The following TTC38 variants were observed in gnomAD, a reference collection of about 807,000 sequenced individuals.
The protein encoded by TTC38 is tetratricopeptide repeat protein 38.
In TTC38, 64 loss-of-function variants were observed where a neutral mutation model predicts 64.2. The observed-to-expected ratio is 1.00, with a 90% CI of 0.81 to 1.23. TTC38 has a LOEUF of 1.23. TTC38 is among the 50% of genes most tolerant of loss of function. The pLI is 0.00. For synonymous variants in TTC38, 254 were observed against 249.3 expected, an observed-to-expected ratio of 1.02 and a Z score of -0.18; for missense variants, 573 against 615.5, an observed-to-expected ratio of 0.93 and a Z score of 0.73.
Position 46,287,133 on chromosome 22 carries a change from C to T in TTC38, c.895C>T (p.Leu299Phe). ...MLDVVDSCSM[L>F]YRLQMEGVSV... ...GGACGTGGTGGACAGCTGCTCCATG[C>T]TCTACCGCCTGCAGATGGAAGGTAG... is the stretch of plus-strand genomic sequence containing the variant. The change falls in exon 10 of 14, where the codon CTC (leucine) becomes TTC (phenylalanine). Residue 299 changes from leucine (L) to phenylalanine (F), a missense_variant. Leu to Phe is a conservative substitution (Grantham distance 22). This residue lies in a region of TTC38 where 371 missense variants were observed against 381.8 expected (regional missense o/e 0.97). Coordinates refer to ENST00000381031, the MANE Select transcript of TTC38 (RefSeq NM_017931.4). The T allele has an allele frequency of 6.2e-7, 1 of 1,604,042 alleles. No individual in the cohort carries two copies. The highest frequency in any genetic ancestry group is 8.5e-7 in the Non-Finnish European group (1 of 1,175,050).
In TTC38 at chr22:46,274,404, T is replaced by G. The variant is rs1029558243; in HGVS notation, c.365+335T>G. On this transcript the variant is annotated intron_variant, in intron 4 of 13. Transcript: ENST00000381031. This position sits in a 1 kb window ranked among gnomAD's most constrained non-coding sequence, Gnocchi z 4.8. The stretch of plus-strand genomic sequence containing the variant: ...TAGGGAAGAGAGAAGAAAACATGCT[T>G]CTTCTAGTGAGAAATAAACAATCAA... Among the ~76,000 whole-genome samples the G allele has an allele frequency of 2.6e-5, 4 of 152,244 alleles. No homozygotes were observed. Among genetic ancestry groups the G allele is most frequent in the Non-Finnish European group, 4.4e-5 (3 of 68,042 alleles).
In TTC38 at chr22:46,270,666, C is replaced by T. The variant is rs530653763; in HGVS notation, c.112-1669C>T. Among the ~76,000 whole-genome samples, 196 of 152,240 alleles carry T rather than the reference C, an allele frequency of 1.3e-3. No homozygotes were observed. The highest frequency in any genetic ancestry group is 0.01 in the Middle Eastern group (3 of 294). ...TGGCCAACATGGTGAAACCCTGTCT[C>T]TACTAAAAATATAAAAAAATTAGCC... On this transcript the variant is annotated intron_variant, in intron 2 of 13. Coordinates refer to ENST00000381031, the MANE Select transcript of TTC38 (RefSeq NM_017931.4). This position sits in a 1 kb window ranked among gnomAD's most constrained non-coding sequence, Gnocchi z 4.7.
rs750681441 is a variant in TTC38, at chr22:46,292,897, G to T, written c.*13G>T. On this transcript the variant is annotated 3_prime_UTR_variant, in exon 14 of 14. Coordinates refer to ENST00000381031, the MANE Select transcript of TTC38 (RefSeq NM_017931.4). This position sits in a 1 kb window ranked among gnomAD's most constrained non-coding sequence, Gnocchi z 6.5. ...CCTCATGCAGTGAGCCAGCCTGGCC[G>T]CCTCCACCCTGCAGAACCTCAGTGG... 1 of 1,605,508 alleles carries T rather than the reference G, an allele frequency of 6.2e-7. No homozygotes were observed. Among genetic ancestry groups the T allele is most frequent in the Non-Finnish European group, 8.5e-7 (1 of 1,172,904 alleles).
chr22:46,287,865 GAA>G (rs1015038124), intron 10 of TTC38, among the ~76,000 whole-genome samples: 7 of 152,250 alleles, frequency 4.6e-5, no homozygotes, highest in African/African-American at 1.7e-4. Context: ...AGAGACAAGG[GAA>G]AGAGTTACTC....
rs1206890874 is a variant in TTC38, at chr22:46,292,648, T to C, written c.1317-143T>C. ...CCTCTCCCCAAACTGAGGCCAGGCC[T>C]CCTGCCCCTGGGCCTTGGCCCTTGC... On this transcript the variant is annotated intron_variant, in intron 13 of 13. Coordinates refer to ENST00000381031, the MANE Select transcript of TTC38 (RefSeq NM_017931.4). This position sits in a 1 kb window ranked among gnomAD's most constrained non-coding sequence, Gnocchi z 6.5. 1.1e-5 allele frequency: 8 copies of C among 723,264 alleles called. No individual in the cohort carries two copies. The East Asian group carries it at 2.0e-4, about 18-fold the overall frequency. The allele number at this position is 723,264 out of a possible 1,614,324, so 44.8% of individuals were successfully genotyped here.
chr22:46,278,776 A>T, intron 6 of TTC38, 115 bp downstream of exon 6: 1 of 857,748 alleles, frequency 1.2e-6, no homozygotes, highest in Non-Finnish European at 2.0e-6. Flanking sequence ...CCCTGGTCTC[A>T]CTTCCTCAGA....
Position 46,271,692 on chromosome 22 carries a change from G to A in TTC38, c.112-643G>A, listed in dbSNP as rs1301908545. 6.6e-6 allele frequency among the ~76,000 whole-genome samples: 1 copy of A among 152,156 alleles called. No homozygotes were observed. The highest frequency in any genetic ancestry group is 1.5e-5 in the Non-Finnish European group (1 of 68,022). On this transcript the variant is annotated intron_variant, in intron 2 of 13. Coordinates refer to ENST00000381031, the MANE Select transcript of TTC38 (RefSeq NM_017931.4). The surrounding 1 kb of genome is among the most constrained non-coding windows in gnomAD (Gnocchi z 5.5). ...CGCCTGACTAATTTTTGTATTATTT[G>A]TAGAGACAGAGTTTTGCCATGTTGG...
chr22:46,284,138 C>T, intron 8 of TTC38, 106 bp downstream of exon 8: 1 of 905,446 alleles, frequency 1.1e-6, no homozygotes, highest in Non-Finnish European at 1.7e-6. Context: ...AGCCCTGATG[C>T]AATGGAGCAT....
rs1227764741 is a variant in TTC38 at position 46,272,140 on chromosome 22, A to G, written c.112-195A>G. ...CAAGTGGCTGGGACTACAGGCATGC[A>G]CCACCACGCCCCACTAATTTTTCTA... On this transcript the variant is annotated intron_variant, in intron 2 of 13. Transcript: ENST00000381031. The surrounding 1 kb of genome is among the most constrained non-coding windows in gnomAD (Gnocchi z 6.4). Among the ~76,000 whole-genome samples the G allele has an allele frequency of 6.6e-6, 1 of 151,864 alleles. No individual in the cohort carries two copies. Among genetic ancestry groups the G allele is most frequent in the South Asian group, 2.1e-4 (1 of 4,804 alleles).
chr22:46,280,777 A>G (rs1160096196), intron 6 of TTC38, among the ~76,000 whole-genome samples: 1 of 152,274 alleles, frequency 6.6e-6, no homozygotes, highest in East Asian at 1.9e-4. Flanking sequence ...CCCCTATGAA[A>G]GGCGTGGGGA....
At chr22:46,288,651 A>G in intron 11 of TTC38, 63 bp downstream of exon 11, 1 of 1,541,370 alleles carries the variant, frequency 6.5e-7, no homozygotes, top group South Asian at 1.2e-5. Context: ...AGGGGGTGCT[A>G]GGGCCATGCT....
chr22:46,277,649 C>CAATTAT (rs2077502921), intron 5 of TTC38, among the ~76,000 whole-genome samples: 2 of 147,348 alleles, frequency 1.4e-5, no homozygotes, highest in African/African-American at 2.5e-5. Context: ...TGGAAGCGTG[C>CAATTAT]AATTATTCAG....
intron 9 of TTC38, among the ~76,000 whole-genome samples, chr22:46,286,113 C>A (rs2077569891): frequency 6.6e-6 from 1 of 151,726 alleles, no homozygotes; most frequent in Admixed American, 6.6e-5. Context: ...TTCATCTACC[C>A]AAACTGAAAC....
At chr22:46,280,230 C>A in intron 6 of TTC38, 1 of 470,248 alleles carries the variant, frequency 2.1e-6, no homozygotes, top group Non-Finnish European at 4.4e-6. Context: ...AGGCGGCAGG[C>A]ACAGGCACAG....
chr22:46,290,801 C>T (rs1223260575), intron 13 of TTC38, among the ~76,000 whole-genome samples: 1 of 152,168 alleles, frequency 6.6e-6, no homozygotes, highest in Non-Finnish European at 1.5e-5. Context: ...CAGCTTGCCT[C>T]CCTCCACTTA....
In TTC38 at chr22:46,285,269, A is replaced by G. The variant is rs751908725; in HGVS notation, c.824A>G (p.Tyr275Cys). Residue 275 changes from tyrosine to cysteine, a missense_variant, in exon 9 of 14, where the codon TAC becomes TGC. Tyr to Cys is a radical substitution (Grantham distance 194, BLOSUM62 -2). This residue lies in a region of TTC38 where 371 missense variants were observed against 381.8 expected (regional missense o/e 0.97). Transcript: ENST00000381031. ...KGEYEAALTI[Y>C]DTHILPSLQA... ...GAATATGAGGCCGCGCTGACCATCT[A>G]CGATACCCACGTAAGTTGCATTCAC... 2.5e-6 allele frequency: 4 copies of G among 1,614,148 alleles called. No homozygotes were observed. The highest frequency in any genetic ancestry group is 2.2e-5 in the East Asian group (1 of 44,882).
chr22:46,290,395 G>T (rs777228145), intron 13 of TTC38, among the ~76,000 whole-genome samples: 1 of 151,464 alleles, frequency 6.6e-6, no homozygotes, highest in East Asian at 1.9e-4. Context: ...ACGTAAACTC[G>T]CACTGAGGGA....
chr22:46,289,442 G>A lies in TTC38; in HGVS notation c.1123G>A (p.Val375Met), dbSNP rs778021461. 26 of 1,609,358 alleles carry A rather than the reference G, an allele frequency of 1.6e-5. No homozygotes were observed. The highest frequency in any genetic ancestry group is 4.4e-5 in the South Asian group (4 of 91,006). Residue 375 changes from valine to methionine, a missense_variant, in exon 12 of 14, where the codon GTG (valine) becomes ATG (methionine). Physicochemically the swap from Val to Met is conservative, Grantham distance 21 (BLOSUM62 1). Coordinates refer to ENST00000381031, the MANE Select transcript of TTC38 (RefSeq NM_017931.4). ...ENCQHLLARD[V>M]GLPLCQALVE... ...CTGCCAGCACCTCCTGGCCCGAGAC[G>A]TGGGGCTGCCCCTGTGCCAGGCCCT...
In TTC38 at chr22:46,273,031, C is replaced by G. The variant is rs1275719263; in HGVS notation, c.193+615C>G. Among the ~76,000 whole-genome samples the G allele has an allele frequency of 6.6e-6, 1 of 152,160 alleles. No homozygotes were observed. Among genetic ancestry groups the G allele is most frequent in the Non-Finnish European group, 1.5e-5 (1 of 68,028 alleles). On this transcript the variant is annotated intron_variant, in intron 3 of 13. Transcript: ENST00000381031. This position sits in a 1 kb window ranked among gnomAD's most constrained non-coding sequence, Gnocchi z 5.1. The stretch of plus-strand genomic sequence containing the variant: ...AGGGCTCTTGTCAGTGCGGCAGGGA[C>G]ACCCTTCTCACCCTGCTGCAGCCTA...
Sources: allele counts gnomAD v4.1 joint callset (sites outside exome capture counted in the v4.1 genomes callset), GRCh38; gene constraint gnomAD v4.1.1; regional missense constraint gnomAD v4.1.1; non-coding constraint Gnocchi (gnomAD v3.1); transcripts MANE v1.5; gene names NCBI Gene and HGNC (gene_info 2026-07-23, HGNC 2026-07-21).